KRTAP9-7: variants seen among roughly 807,000 people sequenced by gnomAD.
The protein encoded by KRTAP9-7 is keratin associated protein 9-7.
For synonymous variants in KRTAP9-7, 68 were observed against 72.5 expected, an observed-to-expected ratio of 0.94 and a Z score of 0.32; for missense variants, 157 against 198.3, an observed-to-expected ratio of 0.79 and a Z score of 1.25.
rs758547059 is a variant in KRTAP9-7, at chr17:41,275,876, C to A, written c.179C>A (p.Thr60Asn). The stretch of plus-strand genomic sequence containing the variant: ...TGTCAAAACACCTGCTGCAGGACCA[C>A]CTGCTGCCAGCCCACCTGTGTGACC... The change falls in exon 1 of 1, where the codon ACC (threonine) becomes AAC (asparagine). Residue 60 changes from threonine (T) to asparagine (N), a missense_variant. Thr to Asn is a moderately conservative substitution (Grantham distance 65, BLOSUM62 0). Transcript: ENST00000391354. The A allele has an allele frequency of 3.1e-6, 5 of 1,610,752 alleles. No individual in the cohort carries two copies. In the South Asian group the frequency reaches 5.5e-5, roughly 18 times the overall value.
At chr17:41,276,198 TTGCTGCTGATC>T in exon 1 of KRTAP9-7, 1 of 1,614,052 alleles carries the variant, frequency 6.2e-7, no homozygotes, top group Non-Finnish European at 8.5e-7. Flanking sequence ...GTCAGCCTGC[TTGCTGCTGATC>T]AGTTCCGCAG....
chr17:41,275,983 T>A (rs1435803720), exon 1 of KRTAP9-7: 1 of 1,613,560 alleles, frequency 6.2e-7, no homozygotes, highest in Admixed American at 1.7e-5. Flanking sequence ...CCAAACCAGC[T>A]GTGGGTCCAG....
chr17:41,275,832 T>G, exon 1 of KRTAP9-7: 1 of 1,590,750 alleles, frequency 6.3e-7, no homozygotes, highest in Non-Finnish European at 8.5e-7. Flanking sequence ...GCTGCCAGCC[T>G]TGCTGCCACC....
exon 1 of KRTAP9-7, chr17:41,276,053 C>T (rs772585216): frequency 1.8e-5 from 29 of 1,613,640 alleles, no homozygotes; most frequent in Middle Eastern, 1.7e-4. Flanking sequence ...TACCACCCCA[C>T]GAGTGTCTAC....
exon 1 of KRTAP9-7, chr17:41,276,075 C>T: frequency 1.2e-6 from 2 of 1,613,506 alleles, no homozygotes; most frequent in African/African-American, 1.3e-5. Context: ...TGCCTGGTTG[C>T]CTAAACCAGA....
In KRTAP9-7 at chr17:41,275,931, A is replaced by G. The variant is rs766059324; in HGVS notation, c.234A>G (p.Thr78=). The G allele has an allele frequency of 8.7e-6, 14 of 1,612,504 alleles. No homozygotes were observed. The Middle Eastern group carries it at 6.6e-4, about 76-fold the overall frequency. The stretch of plus-strand genomic sequence containing the variant: ...GCTGCCAGCCTTCCTGCTGCAGCAC[A>G]CCCTGCTGCCAGCCCATCTGCTGTG... Residue 78 remains threonine, a synonymous_variant, in exon 1 of 1, where the codon ACA becomes ACG. Transcript: ENST00000391354.
chr17:41,276,143 G>A, exon 1 of KRTAP9-7: 2 of 1,614,154 alleles, frequency 1.2e-6, no homozygotes, highest in Non-Finnish European at 1.7e-6. Flanking sequence ...GAGACTACCT[G>A]CTGCAGGACC....
In KRTAP9-7 at chr17:41,276,060, C is replaced by G. The variant is rs759282307; in HGVS notation, c.363C>G (p.Val121=). Residue 121 remains valine, a synonymous_variant, in exon 1 of 1, where the codon GTC becomes GTG. Transcript: ENST00000391354. ...GAACCTGCTACCACCCCACGAGTGTCTACCTGCCTGGTTGCCTAAACCAGA... is the reference window on the plus strand; with the variant it reads ...GAACCTGCTACCACCCCACGAGTGTGTACCTGCCTGGTTGCCTAAACCAGA... The G allele has an allele frequency of 3.7e-6, 6 of 1,613,600 alleles. No individual in the cohort carries two copies. In the South Asian group the frequency reaches 5.5e-5, roughly 15 times the overall value.
exon 1 of KRTAP9-7, chr17:41,275,988 G>T: frequency 6.2e-7 from 1 of 1,613,518 alleles, no homozygotes; most frequent in Non-Finnish European, 8.5e-7. Flanking sequence ...CCAGCTGTGG[G>T]TCCAGCTGCT....
At chr17:41,275,988 G>A (rs2016519197) in exon 1 of KRTAP9-7, 2 of 1,613,518 alleles carry the variant, frequency 1.2e-6, no homozygotes, top group Non-Finnish European at 1.7e-6. Context: ...CCAGCTGTGG[G>A]TCCAGCTGCT....
At chr17:41,275,821 T>G in exon 1 of KRTAP9-7, 2 of 1,587,930 alleles carry the variant, frequency 1.3e-6, no homozygotes, top group South Asian at 2.2e-5. Flanking sequence ...TGTGTCCAGC[T>G]GCTGCCAGCC....
the KRTAP9-7 span, chr17:41,276,000 C>A: frequency 6.2e-7 from 1 of 1,614,072 alleles, no homozygotes; most frequent in Non-Finnish European, 8.5e-7. Context: ...CCAGCTGCTG[C>A]CAGCCCAGCT....
exon 1 of KRTAP9-7, chr17:41,275,915 C>A (rs1368949123): frequency 6.2e-7 from 1 of 1,613,004 alleles, no homozygotes. Context: ...TGCTGCCAGC[C>A]TTCCTGCTGC....
exon 1 of KRTAP9-7, chr17:41,275,986 G>A: frequency 6.2e-6 from 10 of 1,613,166 alleles, no homozygotes; most frequent in Non-Finnish European, 8.5e-6. Flanking sequence ...AACCAGCTGT[G>A]GGTCCAGCTG....
chr17:41,275,861 C>G, exon 1 of KRTAP9-7: 1 of 1,607,654 alleles, frequency 6.2e-7, no homozygotes, highest in Non-Finnish European at 8.5e-7. Context: ...TGTCAAAACA[C>G]CTGCTGCAGG....
At chr17:41,276,063 C>A in the KRTAP9-7 span, 4 of 1,613,610 alleles carry the variant, frequency 2.5e-6, no homozygotes, top group Non-Finnish European at 3.4e-6. Context: ...CGAGTGTCTA[C>A]CTGCCTGGTT....
exon 1 of KRTAP9-7, chr17:41,276,111 G>T (rs570330415): frequency 2.4e-5 from 38 of 1,611,262 alleles, no homozygotes; most frequent in Non-Finnish European, 3.1e-5. Flanking sequence ...GCTGCCAGCC[G>T]TGCTGCCGCC....
chr17:41,276,111 G>C lies in KRTAP9-7; in HGVS notation c.414G>C (p.Pro138=), dbSNP rs570330415. 46 of 1,611,258 alleles carry C rather than the reference G, an allele frequency of 2.9e-5. No individual in the cohort carries two copies. In the African/African-American group the frequency reaches 4.2e-4, roughly 15 times the overall value. The change falls in exon 1 of 1, where the codon CCG becomes CCC. Residue 138 remains proline, a synonymous_variant. Transcript: ENST00000391354. Reference sequence around the variant, plus strand: ...GCTGTGGCTCCAGCTGCTGCCAGCCGTGCTGCCGCCCAGCCTGCTGTGAGA... The same window carrying C: ...GCTGTGGCTCCAGCTGCTGCCAGCCCTGCTGCCGCCCAGCCTGCTGTGAGA...
chr17:41,275,981 G>T (rs2016519093), exon 1 of KRTAP9-7: 4 of 1,613,724 alleles, frequency 2.5e-6, no homozygotes, highest in Non-Finnish European at 3.4e-6. Context: ...GGCCAAACCA[G>T]CTGTGGGTCC....
Sources: gnomAD v4.1 joint callset for allele counts on GRCh38, gnomAD v4.1.1 for gene constraint, MANE v1.5 for transcripts, NCBI Gene and HGNC (gene_info 2026-07-23, HGNC 2026-07-21) for gene names.